XRCC4: variants seen among roughly 807,000 people sequenced by gnomAD.
XRCC4 encodes the protein DNA repair protein XRCC4.
Under a neutral mutation model 39.1 loss-of-function variants are expected in XRCC4, and 28 were observed. The ratio of observed to expected loss-of-function variants is 0.72; its 90% CI spans 0.53 to 0.98. The LOEUF is 0.98. Ranked by LOEUF, XRCC4 falls within the 50% of genes least tolerant of loss-of-function variation. XRCC4 has a pLI of 0.00. For missense variants in XRCC4, 350 were observed against 376.4 expected, an observed-to-expected ratio of 0.93 and a Z score of 0.58; for synonymous variants, 123 against 126.4, an observed-to-expected ratio of 0.97 and a Z score of 0.18.
the XRCC4 span, among the ~76,000 whole-genome samples, chr5:83,360,804 C>A: frequency 6.6e-6 from 1 of 151,640 alleles, no homozygotes; most frequent in Non-Finnish European, 1.5e-5. Context: ...GAACCACAGT[C>A]AACCATGCTA....
intron 7 of XRCC4, among the ~76,000 whole-genome samples, chr5:83,262,178 A>G (rs1259894560): frequency 6.6e-6 from 1 of 152,192 alleles, no homozygotes; most frequent in Non-Finnish European, 1.5e-5. Flanking sequence ...TCCTTCTTAC[A>G]GATGAAAAGC....
intron 3 of XRCC4, among the ~76,000 whole-genome samples, chr5:83,138,440 C>G (rs1748004742): frequency 6.6e-6 from 1 of 151,930 alleles, no homozygotes; most frequent in Non-Finnish European, 1.5e-5. Context: ...TATACTTTAT[C>G]AAATATGTTT....
At chr5:83,135,736 C>T (rs1747866337) in intron 3 of XRCC4, among the ~76,000 whole-genome samples, 1 of 151,940 alleles carries the variant, frequency 6.6e-6, no homozygotes, top group Non-Finnish European at 1.5e-5. Flanking sequence ...TCATCTCAGG[C>T]ATGGTGATTT....
intron 1 of XRCC4, among the ~76,000 whole-genome samples, chr5:83,080,667 A>G (rs924923752): frequency 6.6e-6 from 1 of 152,226 alleles, no homozygotes; most frequent in Non-Finnish European, 1.5e-5. Flanking sequence ...TCCCTGCTGT[A>G]TAAGCTTCCT....
At chr5:83,172,725 G>A (rs963668576) in intron 3 of XRCC4, among the ~76,000 whole-genome samples, 8 of 152,092 alleles carry the variant, frequency 5.3e-5, no homozygotes, top group Non-Finnish European at 8.8e-5. Context: ...ATTGCTTTTG[G>A]CAATGAGAGG....
At chr5:83,132,600 A>G (rs527571003) in intron 3 of XRCC4, among the ~76,000 whole-genome samples, 16 of 151,488 alleles carry the variant, frequency 1.1e-4, no homozygotes, top group Non-Finnish European at 1.8e-4. Context: ...TTTTTTCTCT[A>G]AACTTCTCTT....
At chr5:83,332,113 C>T (rs772167390) in intron 7 of XRCC4, among the ~76,000 whole-genome samples, 29 of 152,058 alleles carry the variant, frequency 1.9e-4, no homozygotes, top group Non-Finnish European at 4.3e-4. Context: ...CTGTATTCTT[C>T]TAATAAAGTC....
chr5:83,337,131 C>T (rs1474989897), intron 7 of XRCC4, among the ~76,000 whole-genome samples: 2 of 152,040 alleles, frequency 1.3e-5, no homozygotes, highest in African/African-American at 2.4e-5. Context: ...ACACTCAACT[C>T]TAAGAGAAAA....
intron 7 of XRCC4, among the ~76,000 whole-genome samples, chr5:83,277,307 G>C (rs1754369112): frequency 6.6e-6 from 1 of 152,176 alleles, no homozygotes; most frequent in Non-Finnish European, 1.5e-5. Flanking sequence ...ATTAGTTCTT[G>C]CCAGCAAGTT....
intron 3 of XRCC4, among the ~76,000 whole-genome samples, chr5:83,142,287 G>A (rs6868817): frequency 0.48 from 73,540 of 151,880 alleles, 18,767 homozygotes; most frequent in African/African-American, 0.63. Flanking sequence ...CCATTTCAGT[G>A]TTATGGATGA....
intron 6 of XRCC4, among the ~76,000 whole-genome samples, chr5:83,238,884 T>G (rs1419547713): frequency 6.6e-6 from 1 of 152,176 alleles, no homozygotes; most frequent in African/African-American, 2.4e-5. Flanking sequence ...AACTTTTCCT[T>G]TAAGAAATAG....
the XRCC4 span, among the ~76,000 whole-genome samples, chr5:83,361,300 A>G: frequency 6.6e-6 from 1 of 152,178 alleles, no homozygotes; most frequent in Non-Finnish European, 1.5e-5. Context: ...CAAACACCCT[A>G]TCCTTGGACC....
At chr5:83,203,265 TAAAC>T (rs1751284370) in intron 4 of XRCC4, among the ~76,000 whole-genome samples, 1 of 152,162 alleles carries the variant, frequency 6.6e-6, no homozygotes, top group Admixed American at 6.5e-5. Flanking sequence ...CTTTTGTAAA[TAAAC>T]CATATGTATC....
At chr5:83,162,159 A>G (rs1225660397) in intron 3 of XRCC4, among the ~76,000 whole-genome samples, 1 of 152,132 alleles carries the variant, frequency 6.6e-6, no homozygotes, top group Non-Finnish European at 1.5e-5. Flanking sequence ...AGAGCGAGAC[A>G]ACGTTTCAAA....
At chr5:83,243,031 G>GT (rs1333677668) in intron 6 of XRCC4, among the ~76,000 whole-genome samples, 52 of 151,904 alleles carry the variant, frequency 3.4e-4, no homozygotes, top group Non-Finnish European at 7.5e-4. Context: ...CTTTCATCTT[G>GT]TTTTTTTCTC....
rs144010148 is a variant in XRCC4 at position 83,175,581 on chromosome 5, G to C, written c.316-20189G>C. On this transcript the variant is annotated intron_variant, in intron 3 of 7. Coordinates refer to ENST00000396027, the MANE Select transcript of XRCC4 (RefSeq NM_003401.5). ...AGCACTTTGGGAGGCCAAGGTGGGA[G>C]GATTACTTGAGGGCCAGGAGTTTGA... is the stretch of plus-strand genomic sequence containing the variant. 5.4e-3 allele frequency among the ~76,000 whole-genome samples: 819 copies of C among 152,164 alleles called. 7 individuals carry two copies. Among genetic ancestry groups the C allele is most frequent in the African/African-American group, 0.019 (789 of 41,514 alleles).
chr5:83,098,205 G>A (rs1745767373), intron 1 of XRCC4, among the ~76,000 whole-genome samples: 1 of 151,972 alleles, frequency 6.6e-6, no homozygotes, highest in African/African-American at 2.4e-5. Flanking sequence ...CAACCAAGAG[G>A]CCTTATTTTT....
At chr5:83,115,569 G>A (rs1325856620) in intron 3 of XRCC4, among the ~76,000 whole-genome samples, 1 of 152,222 alleles carries the variant, frequency 6.6e-6, no homozygotes, top group African/African-American at 2.4e-5. Flanking sequence ...AGAGCTTTAA[G>A]TCCTCTTGAT....
chr5:83,269,103 A>C (rs1754051083), intron 7 of XRCC4, among the ~76,000 whole-genome samples: 1 of 152,152 alleles, frequency 6.6e-6, no homozygotes, highest in Non-Finnish European at 1.5e-5. Flanking sequence ...TTCGGGTCTC[A>C]AGTATATTTT....
Sources: gnomAD v4.1 joint callset for allele counts (sites outside exome capture counted in the v4.1 genomes callset) on GRCh38, gnomAD v4.1.1 for gene constraint, MANE v1.5 for transcripts, NCBI Gene and HGNC (gene_info 2026-07-23, HGNC 2026-07-21) for gene names.